ARFRP1: variants seen among roughly 807,000 people sequenced by gnomAD.
ARFRP1 encodes the protein ARF related protein 1.
A neutral mutation model predicts 30.3 loss-of-function variants in ARFRP1; 19 were observed. That is an observed-to-expected ratio of 0.63 (90% CI 0.44 to 0.92). The LOEUF (loss-of-function observed/expected upper bound fraction) is 0.92, where lower values mean the gene tolerates loss of function less well. ARFRP1 is among the 40% of genes least tolerant of loss of function. The pLI, the probability that ARFRP1 is intolerant of heterozygous loss-of-function variation, is 0.00. For missense variants in ARFRP1, 245 were observed against 267.5 expected (o/e 0.92, Z 0.59); for synonymous variants, 133 against 114.2 (o/e 1.16, Z -1.05).
At chr20:63,701,958 G>C (rs904029576) in intron 5 of ARFRP1, 58 bp from the exon 6 acceptor site, 3 of 1,509,536 alleles carry the variant, frequency 2.0e-6, no homozygotes, top group Admixed American at 3.9e-5. Context: ...TGACTGCCCA[G>C]GGGCCCACAG....
rs2091057829 is a variant in ARFRP1 at position 63,698,999 on chromosome 20, C to G, written c.*1444G>C. The G allele has an allele frequency of 6.4e-6, 1 of 155,914 alleles. No individual in the cohort carries two copies. Among genetic ancestry groups the G allele is most frequent in the Non-Finnish European group, 1.4e-5 (1 of 70,626 alleles). The allele number at this position is 155,914 out of a possible 1,614,324, so 9.7% of individuals were successfully genotyped here. Reference sequence around the variant, plus strand: ...CCCCCACTTATGAATTCCTCCCACTCCCAACTCACAGGGGATTTCCCGAGA... The same window carrying G: ...CCCCCACTTATGAATTCCTCCCACTGCCAACTCACAGGGGATTTCCCGAGA... On this transcript the variant is annotated 3_prime_UTR_variant, in exon 8 of 8. Transcript: ENST00000622789.
At chr20:63,704,236 C>G (rs2091348137) in intron 4 of ARFRP1, 1 of 152,218 alleles carries the variant, frequency 6.6e-6, no homozygotes, top group African/African-American at 2.4e-5. Flanking sequence ...GAGCAGGGGC[C>G]TCCCTTCCGG....
intron 3 of ARFRP1, 54 bp downstream of exon 3, chr20:63,706,597 A>G: frequency 1.3e-6 from 2 of 1,539,944 alleles, no homozygotes; most frequent in Admixed American, 3.3e-5. Context: ...TGGACTGTGA[A>G]TATCACGGCA....
chr20:63,700,538 G>C lies in ARFRP1; in HGVS notation c.519-8C>G. The C allele has an allele frequency of 1.2e-6, 2 of 1,610,894 alleles. No individual in the cohort carries two copies. Among genetic ancestry groups the C allele is most frequent in the South Asian group, 1.1e-5 (1 of 91,012 alleles). ...CCCTCGCGCACCCCTTTGCTGTGAA[G>C]ACAGCGGGTGTGAGGCGGGGGGTCT... is the stretch of plus-strand genomic sequence containing the variant. On this transcript the variant is annotated splice_polypyrimidine_tract_variant and splice_region_variant and intron_variant, in intron 7 of 7. Coordinates refer to ENST00000622789, the MANE Select transcript of ARFRP1 (RefSeq NM_001267547.3).
intron 5 of ARFRP1, 98 bp from the exon 6 acceptor site, chr20:63,701,998 G>GGGGCCCCCCCCCCCC: frequency 1.7e-6 from 1 of 583,916 alleles, no homozygotes; most frequent in Non-Finnish European, 2.6e-6. Context: ...CACTCCCTCT[G>GGGGCCCCCCCCCCCC]CCCCCCCCCC....
At chr20:63,706,094 C>T (rs1233935726) in intron 4 of ARFRP1, 1 of 436,940 alleles carries the variant, frequency 2.3e-6, no homozygotes, top group Non-Finnish European at 4.3e-6. Flanking sequence ...TTTAGTGATT[C>T]TTTCCCTGGA....
rs1183710543 is a variant in ARFRP1 at position 63,701,868 on chromosome 20, C to T, written c.379G>A (p.Val127Ile). ...TTGTTGGCCAGCACCAAGACGGGGA[C>T]ACCGCACAGCGCCTCGCTGGTCACC... ...KVVTSEALCG[V>I]PVLVLANKQD... The change falls in exon 6 of 8, where the codon GTC becomes ATC. Residue 127 changes from valine (V) to isoleucine (I), a missense_variant. By Grantham distance (29) the Val-to-Ile change is conservative. Coordinates refer to ENST00000622789, the MANE Select transcript of ARFRP1 (RefSeq NM_001267547.3). The T allele has an allele frequency of 3.2e-6, 5 of 1,550,468 alleles. No individual in the cohort carries two copies. The Admixed American group carries it at 5.9e-5, about 18-fold the overall frequency.
chr20:63,703,366 G>A (rs894657027), intron 4 of ARFRP1: 1 of 152,436 alleles, frequency 6.6e-6, no homozygotes, highest in East Asian at 1.9e-4. Flanking sequence ...AGAAGCCTGT[G>A]CACCTGCACT....
At chr20:63,703,667 C>T (rs1028393838) in intron 4 of ARFRP1, 3 of 152,348 alleles carry the variant, frequency 2.0e-5, no homozygotes, top group Non-Finnish European at 4.4e-5. Flanking sequence ...TGCAGCAAGC[C>T]CAGTGAGAGA....
chr20:63,698,687 G>A lies in ARFRP1; in HGVS notation c.*1756C>T, dbSNP rs2091043702. The A allele has an allele frequency of 1.7e-6, 2 of 1,207,566 alleles. No individual in the cohort carries two copies. Among genetic ancestry groups the A allele is most frequent in the African/African-American group, 1.6e-5 (1 of 61,626 alleles). The allele number at this position is 1,207,566 out of a possible 1,614,324, so 74.8% of individuals were successfully genotyped here. A position where few individuals can be genotyped will look rare whatever the true frequency, so the allele number is the denominator to read the frequency against. On this transcript the variant is annotated 3_prime_UTR_variant, in exon 8 of 8. Coordinates refer to ENST00000622789, the MANE Select transcript of ARFRP1 (RefSeq NM_001267547.3). ...TTTTATAAAGCTTTTTCATAAAACT[G>A]GTTGTAGTTGCACAGCTACTGGGAG... is the stretch of plus-strand genomic sequence containing the variant.
intron 6 of ARFRP1, 95 bp from the exon 7 acceptor site, chr20:63,700,797 C>T: frequency 6.7e-7 from 1 of 1,484,402 alleles, no homozygotes; most frequent in Non-Finnish European, 9.1e-7. Flanking sequence ...CCCTTCACCC[C>T]AGGGAAACAG....
At chr20:63,702,415 A>C (rs1368228422) in intron 4 of ARFRP1, 198 bp from the exon 5 acceptor site, 1 of 593,040 alleles carries the variant, frequency 1.7e-6, no homozygotes, top group Non-Finnish European at 3.0e-6. Flanking sequence ...GCTGCTCCTG[A>C]GAACCTGCCG....
intron 4 of ARFRP1, chr20:63,704,370 G>C (rs1475747810): frequency 6.6e-6 from 1 of 152,316 alleles, no homozygotes; most frequent in Non-Finnish European, 1.5e-5. Context: ...ACGAGCCACA[G>C]CTGCCTCATG....
Position 63,706,993 on chromosome 20 carries a change from A to G in ARFRP1, c.93+6T>C. The G allele has an allele frequency of 6.2e-7, 1 of 1,613,450 alleles. No homozygotes were observed. The highest frequency in any genetic ancestry group is 8.5e-7 in the Non-Finnish European group (1 of 1,179,884). ...GAAAGGTGCGCGCAAGGGCGTGGGC[A>G]CTCACCGTCTTCCCAGCATTGTCCA... On this transcript the variant is annotated splice_donor_region_variant and intron_variant, in intron 2 of 7. Transcript: ENST00000622789.
Position 63,700,547 on chromosome 20 carries a change from T to C in ARFRP1, c.519-17A>G. 3.1e-6 allele frequency: 5 copies of C among 1,610,584 alleles called. No homozygotes were observed. Among genetic ancestry groups the C allele is most frequent in the Non-Finnish European group, 4.2e-6 (5 of 1,179,798 alleles). On this transcript the variant is annotated splice_polypyrimidine_tract_variant and intron_variant, in intron 7 of 7. Transcript: ENST00000622789. ...ACCCCTTTGCTGTGAAGACAGCGGG[T>C]GTGAGGCGGGGGGTCTCGGTCCCCA... is the stretch of plus-strand genomic sequence containing the variant.
In ARFRP1 at chr20:63,702,044, G is replaced by A. The variant is rs1446208356; in HGVS notation, c.346+92C>T. ...CACTAGGCAGGAGCACTTCTGACCA[G>A]ACACTGAGCCTGCCCCAGGCACAGA... is the stretch of plus-strand genomic sequence containing the variant. On this transcript the variant is annotated intron_variant, in intron 5 of 7. Coordinates refer to ENST00000622789, the MANE Select transcript of ARFRP1 (RefSeq NM_001267547.3). 7.4e-6 allele frequency: 7 copies of A among 949,402 alleles called. No homozygotes were observed. In the African/African-American group the frequency reaches 8.5e-5, roughly 12 times the overall value. The allele number at this position is 949,402 out of a possible 1,614,324, so 58.8% of individuals were successfully genotyped here. A position where few individuals can be genotyped will look rare whatever the true frequency, so the allele number is the denominator to read the frequency against.
At chr20:63,700,976 G>A (rs1052414350) in intron 6 of ARFRP1, among the ~76,000 whole-genome samples, 1 of 152,156 alleles carries the variant, frequency 6.6e-6, no homozygotes, top group African/African-American at 2.4e-5. Flanking sequence ...CCTGAGCCCC[G>A]AGGTGGGGCG....
In ARFRP1 at chr20:63,698,875, C is replaced by T. The variant is rs966578669; in HGVS notation, c.*1568G>A. 6 of 263,690 alleles carry T rather than the reference C, an allele frequency of 2.3e-5. No individual in the cohort carries two copies. The highest frequency in any genetic ancestry group is 1.4e-4 in the East Asian group (2 of 14,422). The allele number at this position is 263,690 out of a possible 1,614,324, so 16.3% of individuals were successfully genotyped here. On this transcript the variant is annotated 3_prime_UTR_variant, in exon 8 of 8. Coordinates refer to ENST00000622789, the MANE Select transcript of ARFRP1 (RefSeq NM_001267547.3). ...CAGTGGCTGTGGCACGTGGCAGGGG[C>T]CCCTGAAGCTCAGCGAGGGTCAGGG...
chr20:63,699,195 C>T lies in ARFRP1; in HGVS notation c.*1248G>A, dbSNP rs1208236699. 6.6e-6 allele frequency: 1 copy of T among 152,302 alleles called. No homozygotes were observed. Among genetic ancestry groups the T allele is most frequent in the Non-Finnish European group, 1.5e-5 (1 of 68,046 alleles). The allele number at this position is 152,302 out of a possible 1,614,324, so 9.4% of individuals were successfully genotyped here. ...GGTTCCCGGGGCTGGAGGTCCCCCC[C>T]AGGTCCTGGGAACCAACCTGCAGAA... On this transcript the variant is annotated 3_prime_UTR_variant, in exon 8 of 8. Coordinates refer to ENST00000622789, the MANE Select transcript of ARFRP1 (RefSeq NM_001267547.3).
Sources: allele counts gnomAD v4.1 joint callset (sites outside exome capture counted in the v4.1 genomes callset), GRCh38; gene constraint gnomAD v4.1.1; transcripts MANE v1.5; gene names NCBI Gene and HGNC (gene_info 2026-07-23, HGNC 2026-07-21).